ZNF251: variants seen among roughly 807,000 people sequenced by gnomAD.
The protein encoded by ZNF251 is zinc finger protein 251.
ZNF251 carries 14 observed loss-of-function variants against 13.5 expected under a neutral mutation model. The observed-to-expected ratio is 1.04, with a 90% CI of 0.69 to 1.63. ZNF251 has a LOEUF of 1.63. ZNF251 is among the 40% of genes most tolerant of loss of function. ZNF251 has a pLI of 0.00. For missense variants in ZNF251, 764 were observed against 834.9 expected (o/e 0.92, Z 1.05); for synonymous variants, 287 against 295.2 (o/e 0.97, Z 0.28).
intron 4 of ZNF251, among the ~76,000 whole-genome samples, chr8:144,727,863 AGT>A (rs1823562658): frequency 6.6e-6 from 1 of 152,098 alleles, no homozygotes; most frequent in Non-Finnish European, 1.5e-5. Context: ...CCCAGGCTGG[AGT>A]GCAGTGGTGT....
intron 4 of ZNF251, among the ~76,000 whole-genome samples, chr8:144,728,956 C>G (rs1360696001): frequency 2.7e-5 from 4 of 149,832 alleles, no homozygotes; most frequent in Admixed American, 2.7e-4. Flanking sequence ...GGCATGGTGG[C>G]GCGCGCCTGT....
intron 1 of ZNF251, 136 bp from the exon 2 acceptor site, chr8:144,754,939 C>T: frequency 7.1e-7 from 1 of 1,417,914 alleles, no homozygotes; most frequent in Non-Finnish European, 9.2e-7. Context: ...GCCGACGTGC[C>T]CTACTGCTCA....
chr8:144,738,057 T>C (rs1431370543), intron 4 of ZNF251, among the ~76,000 whole-genome samples: 4 of 152,088 alleles, frequency 2.6e-5, no homozygotes, highest in African/African-American at 7.2e-5. Context: ...TTCCATATCT[T>C]ACTCTAATAC....
chr8:144,745,481 T>C (rs1824380164), intron 4 of ZNF251, among the ~76,000 whole-genome samples: 1 of 152,190 alleles, frequency 6.6e-6, no homozygotes, highest in South Asian at 2.1e-4. Context: ...TTGACTATTC[T>C]GGGTCTTTTA....
chr8:144,732,577 C>T (rs1298966871), intron 4 of ZNF251, among the ~76,000 whole-genome samples: 3 of 151,950 alleles, frequency 2.0e-5, no homozygotes, highest in African/African-American at 7.2e-5. Flanking sequence ...CTTGGGGAGG[C>T]CAAGGCGGGG....
chr8:144,738,518 C>G, intron 4 of ZNF251: 5 of 980,370 alleles, frequency 5.1e-6, no homozygotes, highest in Non-Finnish European at 6.1e-6. Flanking sequence ...TTCCCAAACT[C>G]CAGGAGGGTG....
At chr8:144,726,565 T>C (rs1197741592) in intron 4 of ZNF251, among the ~76,000 whole-genome samples, 1 of 150,852 alleles carries the variant, frequency 6.6e-6, no homozygotes, top group African/African-American at 2.4e-5. Flanking sequence ...AAATAAAGAC[T>C]ATTAGAAAAC....
At chr8:144,741,969 C>T (rs1824184902) in intron 4 of ZNF251, among the ~76,000 whole-genome samples, 5 of 152,038 alleles carry the variant, frequency 3.3e-5, no homozygotes. Context: ...TGATGAAAGA[C>T]AGAAATCTAC....
At chr8:144,736,487 ATTTAT>A (rs1823899420) in intron 4 of ZNF251, among the ~76,000 whole-genome samples, 1 of 146,082 alleles carries the variant, frequency 6.8e-6, no homozygotes, top group Non-Finnish European at 1.5e-5. Flanking sequence ...TTATTTATTT[ATTTAT>A]TTATTTATTT....
At chr8:144,751,475 A>C (rs1263659362) in intron 4 of ZNF251, among the ~76,000 whole-genome samples, 1 of 152,228 alleles carries the variant, frequency 6.6e-6, no homozygotes, top group East Asian at 1.9e-4. Flanking sequence ...ATTTATGTGA[A>C]GTAGTACACA....
chr8:144,739,801 G>A (rs1218158758), intron 4 of ZNF251, among the ~76,000 whole-genome samples: 5 of 151,700 alleles, frequency 3.3e-5, no homozygotes, highest in African/African-American at 9.7e-5. Flanking sequence ...AGGCTGAGGC[G>A]GGAGGATCAC....
intron 4 of ZNF251, among the ~76,000 whole-genome samples, chr8:144,738,160 C>T (rs1240552100): frequency 6.6e-6 from 1 of 152,196 alleles, no homozygotes; most frequent in Non-Finnish European, 1.5e-5. Flanking sequence ...GCCCAGCACA[C>T]CATGCCACCA....
At chr8:144,732,092 GC>G (rs1823714446) in intron 4 of ZNF251, among the ~76,000 whole-genome samples, 1 of 151,968 alleles carries the variant, frequency 6.6e-6, no homozygotes, top group Non-Finnish European at 1.5e-5. Flanking sequence ...ACAGGCATGT[GC>G]CACCACGCCT....
chr8:144,755,372 T>C (rs1303382420), intron 1 of ZNF251, 33 bp downstream of exon 1: 1 of 1,287,116 alleles, frequency 7.8e-7, no homozygotes, highest in South Asian at 1.2e-5. Flanking sequence ...GCCTGCCCGC[T>C]TGGCGCTCCT....
intron 4 of ZNF251, among the ~76,000 whole-genome samples, chr8:144,727,595 C>T (rs921221953): frequency 6.6e-6 from 1 of 152,188 alleles, no homozygotes; most frequent in African/African-American, 2.4e-5. Flanking sequence ...CTGCAGCTTC[C>T]TTACCCCTCT....
At chr8:144,727,778 T>G (rs1354918728) in intron 4 of ZNF251, among the ~76,000 whole-genome samples, 1 of 152,174 alleles carries the variant, frequency 6.6e-6, no homozygotes, top group East Asian at 1.9e-4. Context: ...TTCACCAGAA[T>G]AGCACTCCCA....
intron 4 of ZNF251, 41 bp from the exon 5 acceptor site, chr8:144,723,423 T>C (rs762133980): frequency 1.4e-5 from 19 of 1,377,588 alleles, no homozygotes; most frequent in South Asian, 3.6e-5. Flanking sequence ...GAGAAAACCT[T>C]CCATCAGGCA....
At chr8:144,731,907 A>G (rs1250045175) in intron 4 of ZNF251, among the ~76,000 whole-genome samples, 1 of 148,264 alleles carries the variant, frequency 6.7e-6, no homozygotes, top group Admixed American at 6.8e-5. Flanking sequence ...TAAAAGTAAA[A>G]ATAAAATTAA....
chr8:144,754,956 C>T (rs1824888272), intron 1 of ZNF251, 153 bp from the exon 2 acceptor site: 1 of 1,403,032 alleles, frequency 7.1e-7, no homozygotes, highest in Non-Finnish European at 9.2e-7. Context: ...CTCAGTGACT[C>T]CTGAAATCCC....
Sources: allele counts gnomAD v4.1 joint callset (sites outside exome capture counted in the v4.1 genomes callset), GRCh38; gene constraint gnomAD v4.1.1; transcripts MANE v1.5; gene names NCBI Gene and HGNC (gene_info 2026-07-23, HGNC 2026-07-21).